SKI: variants seen among roughly 807,000 people sequenced by gnomAD.
The protein encoded by SKI is ski oncogene.
A neutral mutation model predicts 59.3 loss-of-function variants in SKI; 23 were observed. That is an observed-to-expected ratio of 0.39 (90% CI 0.28 to 0.55). The LOEUF is 0.55. SKI is among the 20% of genes least tolerant of loss of function. The pLI is 0.67. For missense variants in SKI, 1,017 were observed against 1,038.9 expected (o/e 0.98, Z 0.29); for synonymous variants, 673 against 488.6 (o/e 1.38, Z -4.98).
intron 1 of SKI, among the ~76,000 whole-genome samples, chr1:2,296,556 A>G (rs759151282): frequency 2.6e-5 from 4 of 152,184 alleles, no homozygotes; most frequent in South Asian, 2.1e-4. Context: ...ATTCTCTCCC[A>G]TTTGGAAATT....
In SKI at chr1:2,306,159, G is replaced by T; in HGVS notation, c.1907G>T (p.Arg636Leu). The T allele has an allele frequency of 1.3e-6, 2 of 1,593,068 alleles. No individual in the cohort carries two copies. Among genetic ancestry groups the T allele is most frequent in the Non-Finnish European group, 1.7e-6 (2 of 1,170,916 alleles). ...AAAGAGGCCAACGAGTCACGGCTGC[G>T]CCTGAAGCGGGAGCTGGAGCAGGCG... is the stretch of plus-strand genomic sequence containing the variant. ...KMKEANESRL[R>L]LKRELEQARQ... is the part of the protein sequence containing the mutation. The change falls in exon 6 of 7, where the codon CGC becomes CTC. Residue 636 changes from arginine to leucine, a missense_variant. Arg to Leu is a moderately radical substitution (Grantham distance 102, BLOSUM62 -2). Coordinates refer to ENST00000378536, the MANE Select transcript of SKI (RefSeq NM_003036.4).
chr1:2,276,329 G>A (rs186004233), intron 1 of SKI, among the ~76,000 whole-genome samples: 4 of 152,210 alleles, frequency 2.6e-5, no homozygotes, highest in Admixed American at 2.6e-4. Context: ...TGCACTCAGA[G>A]GCCGTTTACT....
chr1:2,292,833 C>G (rs1046179935), intron 1 of SKI, among the ~76,000 whole-genome samples: 6 of 152,188 alleles, frequency 3.9e-5, no homozygotes, highest in Admixed American at 3.9e-4. Context: ...CAGGAAGGCA[C>G]AGTTTGTGCA....
intron 1 of SKI, among the ~76,000 whole-genome samples, chr1:2,299,547 G>C (rs937252465): frequency 1.3e-5 from 2 of 152,118 alleles, no homozygotes; most frequent in African/African-American, 2.4e-5. Flanking sequence ...CAGGACTCCA[G>C]CCTCCCTGCC....
chr1:2,304,710 C>T, intron 5 of SKI, 125 bp downstream of exon 5: 1 of 1,416,812 alleles, frequency 7.1e-7, no homozygotes, highest in Non-Finnish European at 9.3e-7. Flanking sequence ...TCTCTGCCTC[C>T]ACCTCAGTGG....
At chr1:2,239,152 A>G (rs1638812486) in intron 1 of SKI, among the ~76,000 whole-genome samples, 3 of 152,196 alleles carry the variant, frequency 2.0e-5, no homozygotes, top group Admixed American at 2.0e-4. Context: ...AAGCGAGGGG[A>G]TTTTAATTAG....
Position 2,228,383 on chromosome 1 carries a change from C to A in SKI, c.-384C>A, listed in dbSNP as rs932050903. 8.1e-4 allele frequency among the ~76,000 whole-genome samples: 116 copies of A among 142,498 alleles called. 1 individual carries two copies. Among genetic ancestry groups the A allele is most frequent in the Non-Finnish European group, 1.4e-3 (90 of 64,388 alleles). The allele number at this position is 142,498 out of a possible 152,430, so 93.5% of individuals were successfully genotyped here. On this transcript the variant is annotated 5_prime_UTR_variant, in exon 1 of 7. Transcript: ENST00000378536. Reference sequence around the variant, plus strand: ...TCGCGCCTCGCGGCGCCGGCACCTGCCCGCGCGCCCCCCGCGAGCCCCGGG... The same window carrying A: ...TCGCGCCTCGCGGCGCCGGCACCTGACCGCGCGCCCCCCGCGAGCCCCGGG...
intron 1 of SKI, among the ~76,000 whole-genome samples, chr1:2,283,870 C>T (rs56905289): frequency 0.03 from 4,545 of 152,300 alleles, 148 homozygotes; most frequent in East Asian, 0.17. Context: ...CTGGAGGAGG[C>T]GGGAGGCCGA....
At chr1:2,297,609 C>T (rs1231151222) in intron 1 of SKI, among the ~76,000 whole-genome samples, 2 of 152,220 alleles carry the variant, frequency 1.3e-5, no homozygotes, top group Admixed American at 6.5e-5. Flanking sequence ...CACAGCGTTG[C>T]CTATTGGTGG....
chr1:2,280,017 G>T (rs901842415), intron 1 of SKI, among the ~76,000 whole-genome samples: 1 of 152,192 alleles, frequency 6.6e-6, no homozygotes, highest in Non-Finnish European at 1.5e-5. Flanking sequence ...CAGGAGAAGC[G>T]CGAGGCATGG....
At chr1:2,274,205 C>T (rs1294979299) in intron 1 of SKI, among the ~76,000 whole-genome samples, 1 of 152,128 alleles carries the variant, frequency 6.6e-6, no homozygotes, top group East Asian at 1.9e-4. Context: ...TGCTCATGTG[C>T]TTTGCCTGCT....
intron 1 of SKI, among the ~76,000 whole-genome samples, chr1:2,299,974 T>G (rs1640383864): frequency 6.6e-6 from 1 of 152,112 alleles, no homozygotes; most frequent in African/African-American, 2.4e-5. Context: ...CTCACCTGTT[T>G]GGGCCACCGC....
rs543489505 is a variant in SKI, at chr1:2,269,420, C to T, written c.970-33558C>T. Among the ~76,000 whole-genome samples, 3 of 152,364 alleles carry T rather than the reference C, an allele frequency of 2.0e-5. No individual in the cohort carries two copies. The highest frequency in any genetic ancestry group is 4.1e-4 in the South Asian group (2 of 4,826). ...AGGCCCCCACAGCGTCACTAGTAGGCCAAGCGGACACTGCGGGACACGTTC... is the reference window on the plus strand; with the variant it reads ...AGGCCCCCACAGCGTCACTAGTAGGTCAAGCGGACACTGCGGGACACGTTC... On this transcript the variant is annotated intron_variant, in intron 1 of 6. Transcript: ENST00000378536. This position sits in a 1 kb window ranked among gnomAD's most constrained non-coding sequence, Gnocchi z 4.7.
chr1:2,283,256 C>T lies in SKI; in HGVS notation c.970-19722C>T, dbSNP rs535452138. On this transcript the variant is annotated intron_variant, in intron 1 of 6. Transcript: ENST00000378536. ...AGTTGAACACTTCTCCCCACTTCTG[C>T]GCCAGGCCTCACTCAGTCTCCCCAG... Among the ~76,000 whole-genome samples the T allele has an allele frequency of 1.0e-3, 156 of 152,362 alleles. 2 individuals carry two copies. In the South Asian group the frequency reaches 0.022, roughly 21 times the overall value.
intron 1 of SKI, among the ~76,000 whole-genome samples, chr1:2,297,198 T>C (rs1207834498): frequency 1.3e-5 from 2 of 152,112 alleles, no homozygotes; most frequent in African/African-American, 4.8e-5. Flanking sequence ...CCTCGACCTT[T>C]TGAGGTCCAG....
intron 1 of SKI, among the ~76,000 whole-genome samples, chr1:2,265,043 C>G (rs943576251): frequency 1.3e-5 from 2 of 152,200 alleles, no homozygotes; most frequent in African/African-American, 4.8e-5. Context: ...AACTCCTGAT[C>G]TCAGGTGATC....
chr1:2,230,665 CAGT>C (rs1162344304), intron 1 of SKI, among the ~76,000 whole-genome samples: 2 of 152,200 alleles, frequency 1.3e-5, no homozygotes, highest in African/African-American at 4.8e-5. Flanking sequence ...CGAAATTACT[CAGT>C]GGGGTCCTCA....
In SKI at chr1:2,270,809, T is replaced by C. The variant is rs1177327029; in HGVS notation, c.970-32169T>C. The stretch of plus-strand genomic sequence containing the variant: ...GGCTGTTGGACATCCTTGCTGTCCC[T>C]TTGCTGGACTCTCCAGAGGACCAGC... On this transcript the variant is annotated intron_variant, in intron 1 of 6. Coordinates refer to ENST00000378536, the MANE Select transcript of SKI (RefSeq NM_003036.4). This position sits in a 1 kb window ranked among gnomAD's most constrained non-coding sequence, Gnocchi z 4.1. Among the ~76,000 whole-genome samples the C allele has an allele frequency of 1.3e-5, 2 of 152,164 alleles. No homozygotes were observed. The highest frequency in any genetic ancestry group is 2.9e-5 in the Non-Finnish European group (2 of 68,026).
At chr1:2,262,724 G>GTT (rs201672395) in intron 1 of SKI, among the ~76,000 whole-genome samples, 1 of 151,152 alleles carries the variant, frequency 6.6e-6, no homozygotes, top group African/African-American at 2.4e-5. Context: ...TTTGTCAGGT[G>GTT]TTTTTTTTTC....
Sources: allele counts gnomAD v4.1 joint callset (sites outside exome capture counted in the v4.1 genomes callset), GRCh38; gene constraint gnomAD v4.1.1; non-coding constraint Gnocchi (gnomAD v3.1); transcripts MANE v1.5; gene names NCBI Gene and HGNC (gene_info 2026-07-23, HGNC 2026-07-21).